Variants in XPC observed in about 807,000 individuals in gnomAD.
XPC encodes the protein DNA repair protein complementing XP-C cells.
A neutral mutation model predicts 95.8 loss-of-function variants in XPC; 76 were observed. That is an observed-to-expected ratio of 0.79 (90% CI 0.66 to 0.96). The LOEUF (loss-of-function observed/expected upper bound fraction) is 0.96. Ranked by LOEUF, XPC falls within the 40% of genes least tolerant of loss-of-function variation. The probability of loss-of-function intolerance (pLI) is 0.00; values close to 1 mark genes in which losing one functional copy is unlikely to be tolerated. For missense variants in XPC, 1,146 were observed against 1,179.8 expected (o/e 0.97, Z 0.42); for synonymous variants, 442 against 442.1 (o/e 1.00, Z 0.00).
At chr3:14,153,781 C>T (rs34622852) in intron 10 of XPC, among the ~76,000 whole-genome samples, 9,988 of 152,258 alleles carry the variant, frequency 0.066, 392 homozygotes, top group South Asian at 0.11. Flanking sequence ...CACCTACCAA[C>T]TAGGGACAGT....
chr3:14,148,513 AC>A (rs1695539950), intron 13 of XPC, 48 bp downstream of exon 13: 2 of 1,598,292 alleles, frequency 1.3e-6, no homozygotes, highest in Middle Eastern at 4.2e-4. Context: ...CTCTGGAGCC[AC>A]CCCTCCCCAT....
intron 10 of XPC, 68 bp from the exon 11 acceptor site, chr3:14,152,484 G>A (rs1574954721): frequency 6.8e-7 from 1 of 1,466,620 alleles, no homozygotes; most frequent in East Asian, 2.5e-5. Flanking sequence ...GCGGGACAGT[G>A]GAGAGCGCAG....
Position 14,147,303 on chromosome 3 carries a change from C to G in XPC, c.2591G>C (p.Arg864Pro). The change falls in exon 15 of 16, where the codon CGC becomes CCC. Residue 864 changes from arginine (R) to proline (P), a missense_variant. Arg to Pro is a moderately radical substitution (Grantham distance 103). Coordinates refer to ENST00000285021, the MANE Select transcript of XPC (RefSeq NM_004628.5). ...GLLIRERLKR[R>P]YGPKSEAAAP... is the part of the protein sequence containing the mutation. ...ACCTGCACTGACCTTGGGCCCGTAGCGACGCTTCAGCCTCTCCCTGATGAG... is the reference window on the plus strand; with the variant it reads ...ACCTGCACTGACCTTGGGCCCGTAGGGACGCTTCAGCCTCTCCCTGATGAG... The G allele has an allele frequency of 6.2e-7, 1 of 1,610,510 alleles. No individual in the cohort carries two copies. The highest frequency in any genetic ancestry group is 1.7e-5 in the Admixed American group (1 of 59,566).
intron 11 of XPC, among the ~76,000 whole-genome samples, chr3:14,151,105 T>C (rs568512927): frequency 6.6e-6 from 1 of 152,148 alleles, no homozygotes; most frequent in South Asian, 2.1e-4. Flanking sequence ...AGGGGTGAAT[T>C]TGAGAGATTT....
At chr3:14,149,860 G>A (rs1282761922) in intron 11 of XPC, 1 of 152,226 alleles carries the variant, frequency 6.6e-6, no homozygotes, top group Admixed American at 6.5e-5. Flanking sequence ...CACAGACGGG[G>A]TAAATGATTT....
intron 8 of XPC, among the ~76,000 whole-genome samples, chr3:14,159,177 G>A (rs1483118012): frequency 1.3e-5 from 2 of 152,176 alleles, no homozygotes; most frequent in Non-Finnish European, 1.5e-5. Context: ...CTGAATTCCA[G>A]TTCTAACTCT....
chr3:14,178,242 G>A (rs927850809), intron 1 of XPC: 38 of 541,142 alleles, frequency 7.0e-5, no homozygotes, highest in Non-Finnish European at 1.2e-4. Context: ...AGCTACGCAG[G>A]AGCTTGGATC....
intron 2 of XPC, among the ~76,000 whole-genome samples, chr3:14,171,696 C>T (rs1034667933): frequency 1.3e-5 from 2 of 152,044 alleles, no homozygotes; most frequent in Admixed American, 6.6e-5. Context: ...ATTAGCTGGG[C>T]GTGGTGGTGG....
intron 7 of XPC, 181 bp from the exon 8 acceptor site, chr3:14,160,011 C>A: frequency 5.5e-6 from 3 of 542,902 alleles, no homozygotes; most frequent in Non-Finnish European, 6.4e-6. Context: ...AGTTTATCTT[C>A]GTAGAAGAAC....
chr3:14,154,397 C>A (rs1695817986), intron 10 of XPC, among the ~76,000 whole-genome samples: 1 of 152,152 alleles, frequency 6.6e-6, no homozygotes, highest in Non-Finnish European at 1.5e-5. Flanking sequence ...TGGAGACGAG[C>A]CAAGTGCCCA....
rs1695374555 is a variant in XPC, at chr3:14,145,407, A to C, written c.*534T>G. 3 of 698,634 alleles carry C rather than the reference A, an allele frequency of 4.3e-6. No individual in the cohort carries two copies. The East Asian group carries it at 8.1e-5, about 19-fold the overall frequency. The allele number at this position is 698,634 out of a possible 1,614,324, so 43.3% of individuals were successfully genotyped here. ...CCTGTACTTCTCTGCTCTCTCCCCTACTGCAAAGAGGCAGTGAGGGCAGCA... is the reference window on the plus strand; with the variant it reads ...CCTGTACTTCTCTGCTCTCTCCCCTCCTGCAAAGAGGCAGTGAGGGCAGCA... On this transcript the variant is annotated 3_prime_UTR_variant, in exon 16 of 16. Transcript: ENST00000285021.
chr3:14,163,368 A>G (rs571354012), intron 7 of XPC, among the ~76,000 whole-genome samples: 31 of 152,350 alleles, frequency 2.0e-4, no homozygotes, highest in African/African-American at 6.5e-4. Context: ...CTGCCAATGG[A>G]TAAATGGATA....
rs200197232 is a variant in XPC, at chr3:14,172,904, T to C, written c.262A>G (p.Ile88Val). ...VTVKSENLKV[I>V]KDEALSDGDD... ...CCATCGCTGAGGGCTTCATCCTTTATAACCTTGAGGTTTTCAGATTTAACA... is the reference window on the plus strand; with the variant it reads ...CCATCGCTGAGGGCTTCATCCTTTACAACCTTGAGGTTTTCAGATTTAACA... The change falls in exon 2 of 16, where the codon ATA becomes GTA. Residue 88 changes from isoleucine to valine, a missense_variant. Physicochemically the swap from Ile to Val is conservative, Grantham distance 29. Transcript: ENST00000285021. 10 of 1,614,014 alleles carry C rather than the reference T, an allele frequency of 6.2e-6. No individual in the cohort carries two copies. In the East Asian group the frequency reaches 2.2e-4, roughly 36 times the overall value.
At chr3:14,162,346 C>A (rs1479234426) in intron 7 of XPC, among the ~76,000 whole-genome samples, 2 of 152,166 alleles carry the variant, frequency 1.3e-5, no homozygotes, top group East Asian at 3.8e-4. Context: ...TGTAAATGAA[C>A]AGAGTTACAC....
At chr3:14,162,564 G>A (rs557272528) in intron 7 of XPC, among the ~76,000 whole-genome samples, 1 of 152,244 alleles carries the variant, frequency 6.6e-6, no homozygotes, top group East Asian at 1.9e-4. Flanking sequence ...ATAATGCTGG[G>A]ACAAATGGAT....
chr3:14,156,534 A>G (rs1695918487), intron 9 of XPC, 39 bp from the exon 10 acceptor site: 2 of 1,613,124 alleles, frequency 1.2e-6, no homozygotes, highest in Non-Finnish European at 1.7e-6. Flanking sequence ...CATGTTATTT[A>G]GAAGAGGAAA....
At position 14,164,799 on chromosome 3, in the gene XPC, G is replaced by C; in HGVS notation, c.900+14C>G. 1 of 1,610,722 alleles carries C rather than the reference G, an allele frequency of 6.2e-7. No individual in the cohort carries two copies. Among genetic ancestry groups the C allele is most frequent in the South Asian group, 1.1e-5 (1 of 90,562 alleles). On this transcript the variant is annotated intron_variant, in intron 7 of 15. Coordinates refer to ENST00000285021, the MANE Select transcript of XPC (RefSeq NM_004628.5). ...AGTACTGATAAAAAACAGTGATCCG[G>C]GAGGATCACTTACATGGACCAATTC...
rs146718029 is a variant in XPC, at chr3:14,167,197, T to C, written c.593A>G (p.Asn198Ser). ...GTGTGTGTCCTCATGGACCCCTTTA[T>C]TGAAACGTTTCATCGCCCTCCGAAG... ...TYLRRAMKRF[N>S]KGVHEDTHKV... is the part of the protein sequence containing the mutation. Residue 198 changes from asparagine to serine, a missense_variant, in exon 5 of 16, where the codon AAT becomes AGT. By Grantham distance (46) the Asn-to-Ser change is conservative. Transcript: ENST00000285021. The C allele has an allele frequency of 2.2e-5, 36 of 1,610,234 alleles. No homozygotes were observed. Among genetic ancestry groups the C allele is most frequent in the African/African-American group, 2.7e-5 (2 of 74,880 alleles).
intron 6 of XPC, among the ~76,000 whole-genome samples, 173 bp from the exon 7 acceptor site, chr3:14,165,106 T>C (rs1390310101): frequency 1.3e-5 from 2 of 152,154 alleles, no homozygotes; most frequent in African/African-American, 2.4e-5. Context: ...GCTCAGACTT[T>C]ACCTCCTTGG....
Sources: gnomAD v4.1 joint callset for allele counts (sites outside exome capture counted in the v4.1 genomes callset) on GRCh38, gnomAD v4.1.1 for gene constraint, MANE v1.5 for transcripts, NCBI Gene and HGNC (gene_info 2026-07-23, HGNC 2026-07-21) for gene names.